Variants in USP20 observed in about 807,000 individuals in gnomAD.
The protein encoded by USP20 is ubiquitin specific peptidase 20.
USP20 carries 80 observed loss-of-function variants against 124.2 expected under a neutral mutation model. The observed-to-expected ratio is 0.64, with a 90% CI of 0.54 to 0.78. USP20 has a LOEUF of 0.78. Ranked by LOEUF, USP20 falls within the 30% of genes least tolerant of loss-of-function variation. The pLI is 0.00. For synonymous variants in USP20, 481 were observed against 512.3 expected (o/e 0.94, Z 0.83); for missense variants, 1,043 against 1,244.4 (o/e 0.84, Z 2.44).
At chr9:129,876,700 G>C (rs1014394878) in intron 22 of USP20, among the ~76,000 whole-genome samples, 1 of 152,000 alleles carries the variant, frequency 6.6e-6, no homozygotes, top group Admixed American at 6.6e-5. Flanking sequence ...AGATGGCCAG[G>C]TGTCTAGGAG....
intron 4 of USP20, among the ~76,000 whole-genome samples, chr9:129,857,315 A>G (rs1322050910): frequency 1.3e-5 from 2 of 152,234 alleles, no homozygotes; most frequent in African/African-American, 4.8e-5. Flanking sequence ...AGACAGATGT[A>G]GGAGCCTGAT....
intron 3 of USP20, among the ~76,000 whole-genome samples, chr9:129,853,522 T>C (rs1237944280): frequency 6.6e-6 from 1 of 152,212 alleles, no homozygotes; most frequent in Admixed American, 6.5e-5. Flanking sequence ...CATGCAGGCA[T>C]GTTCCCAGGA....
At chr9:129,868,807 C>G (rs1738141001) in intron 11 of USP20, 55 bp from the exon 12 acceptor site, 5 of 1,508,760 alleles carry the variant, frequency 3.3e-6, no homozygotes, top group Non-Finnish European at 4.4e-6. Flanking sequence ...TTCCTGCCCA[C>G]TCGTGGAGCT....
At chr9:129,862,811 C>A (rs1173975753) in intron 8 of USP20, among the ~76,000 whole-genome samples, 1 of 151,802 alleles carries the variant, frequency 6.6e-6, no homozygotes, top group African/African-American at 2.4e-5. Flanking sequence ...GAGGCTAAGG[C>A]AGGAGAAGCA....
intron 1 of USP20, among the ~76,000 whole-genome samples, chr9:129,845,803 G>A (rs773057837): frequency 4.6e-5 from 7 of 152,160 alleles, no homozygotes; most frequent in Non-Finnish European, 1.0e-4. Flanking sequence ...AAGCAAAAAG[G>A]AAATAAAAAT....
intron 2 of USP20, 133 bp from the exon 3 acceptor site, chr9:129,852,407 A>G (rs2032972344): frequency 4.2e-6 from 3 of 706,028 alleles, no homozygotes; most frequent in Admixed American, 5.3e-5. Flanking sequence ...AGGTTAAGCA[A>G]CTTCCCTGCG....
rs1174709618 is a variant in USP20, at chr9:129,875,363, C to G, written c.2102C>G (p.Ala701Gly). Residue 701 changes from alanine (A) to glycine (G), a missense_variant, in exon 20 of 26, where the codon GCC becomes GGC. By Grantham distance (60) the Ala-to-Gly change is moderately conservative (BLOSUM62 0). Transcript: ENST00000372429. ...RERQQVVSLA[A>G]MREPSLLRFY... ...CGACAGCAGGTGGTGTCCCTGGCCG[C>G]CATGCGGGAGCCCAGCCTGCTGCGG... 12 of 1,612,880 alleles carry G rather than the reference C, an allele frequency of 7.4e-6. No individual in the cohort carries two copies. The highest frequency in any genetic ancestry group is 1.0e-5 in the Non-Finnish European group (12 of 1,179,806).
Position 129,874,468 on chromosome 9 carries a change from A to G in USP20, c.1741-108A>G, listed in dbSNP as rs1443200558. 11 of 1,435,868 alleles carry G rather than the reference A, an allele frequency of 7.7e-6. No homozygotes were observed. In the Admixed American group the frequency reaches 7.7e-5, roughly 10 times the overall value. The allele number at this position is 1,435,868 out of a possible 1,614,324, so 88.9% of individuals were successfully genotyped here. ...ACGTGGAACTCTTGGATTTGTTCCA[A>G]TGGAGTCAGCTTGCATGATCCCATC... On this transcript the variant is annotated intron_variant, in intron 17 of 25. Coordinates refer to ENST00000372429, the MANE Select transcript of USP20 (RefSeq NM_001110303.4).
chr9:129,839,002 G>C lies in USP20; in HGVS notation c.-129+3503G>C, dbSNP rs1019849516. On this transcript the variant is annotated intron_variant, in intron 1 of 25. Coordinates refer to ENST00000372429, the MANE Select transcript of USP20 (RefSeq NM_001110303.4). The surrounding 1 kb of genome is among the most constrained non-coding windows in gnomAD (Gnocchi z 4.5). ...TGCTCTGAAGAATGACTCAGAAGAGGCTCTTGTGAGGAAGCTTCCTTGGAG... is the reference window on the plus strand; with the variant it reads ...TGCTCTGAAGAATGACTCAGAAGAGCCTCTTGTGAGGAAGCTTCCTTGGAG... 1.3e-5 allele frequency among the ~76,000 whole-genome samples: 2 copies of C among 152,200 alleles called. No individual in the cohort carries two copies. The highest frequency in any genetic ancestry group is 2.9e-5 in the Non-Finnish European group (2 of 68,028).
chr9:129,868,756 G>C, intron 11 of USP20, 106 bp from the exon 12 acceptor site: 1 of 1,478,422 alleles, frequency 6.8e-7, no homozygotes, highest in Non-Finnish European at 9.0e-7. Context: ...GACACATTAG[G>C]GTCAGGCTTT....
chr9:129,872,017 C>T (rs1008105283), intron 15 of USP20, among the ~76,000 whole-genome samples: 3 of 151,904 alleles, frequency 2.0e-5, no homozygotes, highest in Non-Finnish European at 2.9e-5. Context: ...CACCCAGCCT[C>T]GTTGTGGTTT....
In USP20 at chr9:129,866,744, C is replaced by T. The variant is rs528600125; in HGVS notation, c.691-1261C>T. ...CGGGCGCCTCTTAAGGGCCAAAAGA[C>T]TCTTTTGTGCTTCTGCATGGATTGA... On this transcript the variant is annotated intron_variant, in intron 10 of 25. Transcript: ENST00000372429. Among the ~76,000 whole-genome samples the T allele has an allele frequency of 5.9e-5, 9 of 152,360 alleles. No individual in the cohort carries two copies. In the East Asian group the frequency reaches 7.7e-4, roughly 13 times the overall value.
intron 6 of USP20, among the ~76,000 whole-genome samples, chr9:129,859,853 C>T (rs62583564): frequency 0.074 from 11,161 of 151,636 alleles, 471 homozygotes; most frequent in Middle Eastern, 0.15. Flanking sequence ...TGGGCAACAG[C>T]GTGAGACCCT....
Position 129,839,556 on chromosome 9 carries a change from C to T in USP20, c.-129+4057C>T, listed in dbSNP as rs2032072516. ...TTGTGTGGAGGTAGAGTAAAGACAGCAGGAGGGAGAGAAAGGGTGTGCGAG... is the reference window on the plus strand; with the variant it reads ...TTGTGTGGAGGTAGAGTAAAGACAGTAGGAGGGAGAGAAAGGGTGTGCGAG... On this transcript the variant is annotated intron_variant, in intron 1 of 25. Transcript: ENST00000372429. This position sits in a 1 kb window ranked among gnomAD's most constrained non-coding sequence, Gnocchi z 4.5. 6.6e-6 allele frequency among the ~76,000 whole-genome samples: 1 copy of T among 151,286 alleles called. No individual in the cohort carries two copies. Among genetic ancestry groups the T allele is most frequent in the Non-Finnish European group, 1.5e-5 (1 of 67,900 alleles).
At chr9:129,836,111 C>T (rs1485927913) in intron 1 of USP20, among the ~76,000 whole-genome samples, 2 of 152,172 alleles carry the variant, frequency 1.3e-5, no homozygotes. Context: ...ACCCTCTGCC[C>T]CTTCCACCCC....
chr9:129,843,713 G>T (rs957776050), intron 1 of USP20, among the ~76,000 whole-genome samples: 2 of 152,052 alleles, frequency 1.3e-5, no homozygotes, highest in Non-Finnish European at 2.9e-5. Context: ...CTCCAGCCTG[G>T]GTAACAAGAG....
chr9:129,852,215 A>G (rs2032960398), intron 2 of USP20, among the ~76,000 whole-genome samples: 1 of 152,198 alleles, frequency 6.6e-6, no homozygotes, highest in African/African-American at 2.4e-5. Flanking sequence ...AGCTCCCTGC[A>G]TGCATGCAGG....
intron 9 of USP20, among the ~76,000 whole-genome samples, chr9:129,864,351 C>T (rs1362473377): frequency 6.6e-5 from 10 of 151,576 alleles, no homozygotes; most frequent in Non-Finnish European, 1.2e-4. Context: ...CTTGTGGTCC[C>T]AGCTACTCAG....
chr9:129,870,447 C>T lies in USP20; in HGVS notation c.1566-6C>T, dbSNP rs2034062582. ...CAGCACCCCTGCACTCCTTTTCTGTCTGTAGGTTTGTGGTATCCTGTACCC... is the reference window on the plus strand; with the variant it reads ...CAGCACCCCTGCACTCCTTTTCTGTTTGTAGGTTTGTGGTATCCTGTACCC... On this transcript the variant is annotated splice_polypyrimidine_tract_variant and splice_region_variant and intron_variant, in intron 14 of 25. Coordinates refer to ENST00000372429, the MANE Select transcript of USP20 (RefSeq NM_001110303.4). 1 of 1,613,850 alleles carries T rather than the reference C, an allele frequency of 6.2e-7. No individual in the cohort carries two copies. The highest frequency in any genetic ancestry group is 8.5e-7 in the Non-Finnish European group (1 of 1,179,846).
Sources: allele counts gnomAD v4.1 joint callset (sites outside exome capture counted in the v4.1 genomes callset), GRCh38; gene constraint gnomAD v4.1.1; non-coding constraint Gnocchi (gnomAD v3.1); transcripts MANE v1.5; gene names NCBI Gene and HGNC (gene_info 2026-07-23, HGNC 2026-07-21).